EML5: variants seen among roughly 807,000 people sequenced by gnomAD.
EML5 encodes echinoderm microtubule-associated protein-like 5.
In EML5, 120 loss-of-function variants were observed where a neutral mutation model predicts 250.0. The observed-to-expected ratio is 0.48, with a 90% CI of 0.41 to 0.56. The LOEUF (loss-of-function observed/expected upper bound fraction) is 0.56. Ranked by LOEUF, EML5 falls within the 20% of genes least tolerant of loss-of-function variation. The pLI, the probability that EML5 is intolerant of heterozygous loss-of-function variation, is 0.00. For synonymous variants in EML5, 771 were observed against 806.5 expected, an observed-to-expected ratio of 0.96 and a Z score of 0.75; for missense variants, 2,006 against 2,437.6, an observed-to-expected ratio of 0.82 and a Z score of 3.73.
At chr14:88,636,725 C>T (rs1207356330) in intron 32 of EML5, among the ~76,000 whole-genome samples, 1 of 152,010 alleles carries the variant, frequency 6.6e-6, no homozygotes, top group Non-Finnish European at 1.5e-5. Context: ...TAGCTGTCTC[C>T]AAAACTGGAA....
intron 1 of EML5, among the ~76,000 whole-genome samples, chr14:88,755,335 T>G (rs1465075966): frequency 6.6e-6 from 1 of 152,214 alleles, no homozygotes; most frequent in Non-Finnish European, 1.5e-5. Context: ...CCAAGCCTTC[T>G]TTCCCATTTT....
intron 31 of EML5, among the ~76,000 whole-genome samples, chr14:88,640,356 T>C (rs2090993340): frequency 6.6e-6 from 1 of 152,116 alleles, no homozygotes; most frequent in Non-Finnish European, 1.5e-5. Context: ...TCTGCCATAC[T>C]CTCTACCCAC....
intron 33 of EML5, among the ~76,000 whole-genome samples, chr14:88,631,537 G>A (rs577313813): frequency 5.9e-5 from 9 of 152,332 alleles, no homozygotes; most frequent in African/African-American, 2.2e-4. Flanking sequence ...GAGAAGCTGA[G>A]GCGGGTGGAT....
At chr14:88,618,520 G>T in intron 40 of EML5, 130 bp downstream of exon 40, 1 of 1,191,608 alleles carries the variant, frequency 8.4e-7, no homozygotes, top group Non-Finnish European at 1.2e-6. Context: ...GGGAGCTGTA[G>T]GTCAGAAGGT....
chr14:88,692,273 A>G (rs1041345637), intron 17 of EML5, among the ~76,000 whole-genome samples: 2 of 152,090 alleles, frequency 1.3e-5, no homozygotes, highest in African/African-American at 4.8e-5. Flanking sequence ...GTTACTCAGG[A>G]GGCTGAGGCA....
rs2093058681 is a variant in EML5, at chr14:88,695,559, A to C, written c.2345-105T>G. The C allele has an allele frequency of 1.2e-5, 13 of 1,070,776 alleles. No homozygotes were observed. In the South Asian group the frequency reaches 1.8e-4, roughly 15 times the overall value. 66.3% of individuals were successfully genotyped at this position (1,070,776 alleles called of 1,614,324 possible). A position where few individuals can be genotyped will look rare whatever the true frequency, so the allele number is the denominator to read the frequency against. ...ACATCCTATATTTAAAATTTGATAA[A>C]ATAATGTTAAATGTTAGGCATGCAT... On this transcript the variant is annotated intron_variant, in intron 15 of 43. Coordinates refer to ENST00000554922, the MANE Select transcript of EML5 (RefSeq NM_183387.3).
chr14:88,674,254 G>C (rs920687971), intron 21 of EML5, among the ~76,000 whole-genome samples: 16 of 151,998 alleles, frequency 1.1e-4, no homozygotes, highest in Non-Finnish European at 1.8e-4. Flanking sequence ...GGGCTAAAAG[G>C]GTGAGACTTC....
intron 24 of EML5, 121 bp downstream of exon 24, chr14:88,662,910 T>A: frequency 1.5e-6 from 1 of 680,830 alleles, no homozygotes; most frequent in Non-Finnish European, 2.4e-6. Flanking sequence ...CTCAATAATA[T>A]CCAATATTTT....
At chr14:88,728,093 A>G (rs549217954) in intron 7 of EML5, among the ~76,000 whole-genome samples, 2 of 152,190 alleles carry the variant, frequency 1.3e-5, no homozygotes, top group African/African-American at 4.8e-5. Flanking sequence ...ATGCATATAC[A>G]GTTGGCCCTC....
chr14:88,676,366 A>G (rs145501068), intron 21 of EML5, among the ~76,000 whole-genome samples: 36 of 152,352 alleles, frequency 2.4e-4, no homozygotes, highest in African/African-American at 7.7e-4. Context: ...GGGTGGCAGG[A>G]TAGAGTGAGT....
chr14:88,641,710 A>T (rs1156337032), intron 31 of EML5, among the ~76,000 whole-genome samples: 1 of 152,150 alleles, frequency 6.6e-6, no homozygotes, highest in Non-Finnish European at 1.5e-5. Flanking sequence ...CCCACTTCCT[A>T]CACTATGCAC....
At chr14:88,680,455 T>C (rs929156530) in intron 21 of EML5, among the ~76,000 whole-genome samples, 2 of 152,042 alleles carry the variant, frequency 1.3e-5, no homozygotes, top group African/African-American at 4.8e-5. Context: ...GTGGCTTTCA[T>C]AAACCTTAGA....
chr14:88,623,993 T>C (rs1371185496), intron 36 of EML5: 1 of 152,246 alleles, frequency 6.6e-6, no homozygotes, highest in African/African-American at 2.4e-5. Flanking sequence ...AATTCTGCGC[T>C]TGTGTTTAAT....
chr14:88,612,686 A>G lies in EML5; in HGVS notation c.*3132T>C, dbSNP rs1013872013. 6.6e-6 allele frequency: 1 copy of G among 152,640 alleles called. No individual in the cohort carries two copies. Among genetic ancestry groups the G allele is most frequent in the Non-Finnish European group, 1.5e-5 (1 of 68,026 alleles). 9.5% of individuals were successfully genotyped at this position (152,640 alleles called of 1,614,324 possible). A position where few individuals can be genotyped will look rare whatever the true frequency, so the allele number is the denominator to read the frequency against. ...AATGTAAAAATTAGATTTAAATAGT[A>G]TATTTTAAATGACAGAACTATAATT... On this transcript the variant is annotated 3_prime_UTR_variant, in exon 44 of 44. Transcript: ENST00000554922.
In EML5 at chr14:88,792,474, G is replaced by A. The variant is rs1351544939; in HGVS notation, c.30C>T (p.His10=). The A allele has an allele frequency of 6.0e-6, 9 of 1,489,540 alleles. No individual in the cohort carries two copies. The highest frequency in any genetic ancestry group is 8.1e-6 in the Non-Finnish European group (9 of 1,116,344). The allele number at this position is 1,489,540 out of a possible 1,614,324, so 92.3% of individuals were successfully genotyped here. Residue 10 remains histidine, a synonymous_variant, in exon 1 of 44, where the codon CAC becomes CAT. Coordinates refer to ENST00000554922, the MANE Select transcript of EML5 (RefSeq NM_183387.3). This position sits in a 1 kb window ranked among gnomAD's most constrained non-coding sequence, Gnocchi z 6.9. MAARSAPSC[H]LRLEWVYGYR... Reference sequence around the variant, plus strand: ...AGCCGTACACCCACTCGAGCCGCAGGTGGCAGCTCGGGGCGCTCCGGGCCG... The same window carrying A: ...AGCCGTACACCCACTCGAGCCGCAGATGGCAGCTCGGGGCGCTCCGGGCCG...
intron 31 of EML5, 59 bp from the exon 32 acceptor site, chr14:88,638,966 A>G (rs1595318796): frequency 1.5e-6 from 2 of 1,298,524 alleles, no homozygotes; most frequent in East Asian, 2.5e-5. Context: ...AGCCAAAAGC[A>G]CTTACCCAGA....
intron 7 of EML5, among the ~76,000 whole-genome samples, chr14:88,727,997 T>C (rs1174801963): frequency 6.6e-6 from 1 of 152,204 alleles, no homozygotes. Flanking sequence ...TGTTACTATT[T>C]TGAAGTAAGT....
rs1595167391 is a variant in EML5, at chr14:88,614,341, C to T, written c.*1477G>A. 1.3e-5 allele frequency: 2 copies of T among 152,104 alleles called. No individual in the cohort carries two copies. The highest frequency in any genetic ancestry group is 4.8e-5 in the African/African-American group (2 of 41,408). The allele number at this position is 152,104 out of a possible 1,614,324, so 9.4% of individuals were successfully genotyped here. A position where few individuals can be genotyped will look rare whatever the true frequency, so the allele number is the denominator to read the frequency against. ...CAACTTACGTTTCAAGCTTCTTAGCCCCATAATCAGTCCTTCAGCCACAGC... is the reference window on the plus strand; with the variant it reads ...CAACTTACGTTTCAAGCTTCTTAGCTCCATAATCAGTCCTTCAGCCACAGC... On this transcript the variant is annotated 3_prime_UTR_variant, in exon 44 of 44. Transcript: ENST00000554922.
rs913389509 is a variant in EML5, at chr14:88,628,537, C to T, written c.4358-718G>A. 2.6e-5 allele frequency among the ~76,000 whole-genome samples: 4 copies of T among 151,998 alleles called. No individual in the cohort carries two copies. In the East Asian group the frequency reaches 7.7e-4, roughly 29 times the overall value. ...TTTATATTTTCTTTTTTATGAACTG[C>T]ACCCTATAAAAATGGATAGGTCAAT... On this transcript the variant is annotated intron_variant, in intron 33 of 43. Transcript: ENST00000554922.
Sources: gnomAD v4.1 joint callset for allele counts (sites outside exome capture counted in the v4.1 genomes callset) on GRCh38, gnomAD v4.1.1 for gene constraint, Gnocchi (gnomAD v3.1) non-coding constraint, MANE v1.5 for transcripts, NCBI Gene and HGNC (gene_info 2026-07-23, HGNC 2026-07-21) for gene names.